KLF12: variants seen among roughly 807,000 people sequenced by gnomAD.
KLF12 encodes the protein Krueppel-like factor 12.
Under a neutral mutation model 37.8 loss-of-function variants are expected in KLF12, and 9 were observed. That is an observed-to-expected ratio of 0.24 (90% CI 0.14 to 0.42). The LOEUF (loss-of-function observed/expected upper bound fraction) is 0.42. Among genes scored for constraint, KLF12 ranks in the 10% least tolerant of loss-of-function variants. KLF12 has a pLI of 1.00. For missense variants in KLF12, 411 were observed against 516.0 expected (o/e 0.80, Z 1.97); for synonymous variants, 208 against 202.1 (o/e 1.03, Z -0.25).
At chr13:74,180,316 T>C in the KLF12 span, among the ~76,000 whole-genome samples, 16 of 152,266 alleles carry the variant, frequency 1.1e-4, no homozygotes, top group African/African-American at 3.9e-4. Context: ...TCAATTGAAA[T>C]ACTTGCCATT....
the KLF12 span, among the ~76,000 whole-genome samples, chr13:74,299,414 T>C: frequency 6.6e-6 from 1 of 152,200 alleles, no homozygotes; most frequent in Non-Finnish European, 1.5e-5. Context: ...ATTTGCTTAC[T>C]TCATAAATTG....
chr13:73,703,835 T>C (rs1815217265), intron 7 of KLF12, among the ~76,000 whole-genome samples: 2 of 152,296 alleles, frequency 1.3e-5, no homozygotes, highest in Non-Finnish European at 1.5e-5. Context: ...CCAGGATATC[T>C]GGTCAGAACT....
chr13:74,085,376 A>C (rs144538625), intron 1 of KLF12, among the ~76,000 whole-genome samples: 10 of 152,300 alleles, frequency 6.6e-5, no homozygotes, highest in Admixed American at 6.5e-4. Context: ...AGCCTAACAC[A>C]AGAAAGACGT....
chr13:73,959,604 T>C (rs1890956955), intron 2 of KLF12, among the ~76,000 whole-genome samples: 1 of 151,696 alleles, frequency 6.6e-6, no homozygotes. Context: ...TTATATATAA[T>C]TAGATGTGTT....
Position 73,986,029 on chromosome 13 carries a change from G to A in KLF12, c.33+8961C>T, listed in dbSNP as rs1484579059. Among the ~76,000 whole-genome samples the A allele has an allele frequency of 2.6e-5, 4 of 152,282 alleles. No homozygotes were observed. In the East Asian group the frequency reaches 7.7e-4, roughly 29 times the overall value. On this transcript the variant is annotated intron_variant, in intron 2 of 7. Transcript: ENST00000377669. Reference sequence around the variant, plus strand: ...TAGTAAGTGTATGGGTTGTAAGTAAGTGCATGCTATCACCTCAAGAGCTTT... The same window carrying A: ...TAGTAAGTGTATGGGTTGTAAGTAAATGCATGCTATCACCTCAAGAGCTTT...
chr13:74,157,343 C>G, the KLF12 span, among the ~76,000 whole-genome samples: 208 of 152,270 alleles, frequency 1.4e-3, no homozygotes, highest in South Asian at 5.2e-3. Flanking sequence ...TTTACCTGAT[C>G]CTATAGCCAA....
chr13:73,749,944 C>T (rs150708817), intron 6 of KLF12, among the ~76,000 whole-genome samples: 347 of 152,234 alleles, frequency 2.3e-3, no homozygotes, highest in African/African-American at 8.0e-3. Flanking sequence ...TTCACATAAT[C>T]CCTGTGGAAA....
At chr13:73,744,665 T>A (rs1467412164) in intron 6 of KLF12, among the ~76,000 whole-genome samples, 1 of 151,940 alleles carries the variant, frequency 6.6e-6, no homozygotes, top group Non-Finnish European at 1.5e-5. Context: ...CAGGAGCAGG[T>A]AGGTAGACAC....
intron 2 of KLF12, among the ~76,000 whole-genome samples, chr13:73,963,927 C>A (rs1376722485): frequency 6.6e-6 from 1 of 152,100 alleles, no homozygotes; most frequent in African/African-American, 2.4e-5. Context: ...AAGATTGTGC[C>A]CCTCAATAAC....
the KLF12 span, among the ~76,000 whole-genome samples, chr13:74,176,850 G>A: frequency 6.6e-6 from 1 of 152,004 alleles, no homozygotes; most frequent in South Asian, 2.1e-4. Flanking sequence ...CAATCTGTCT[G>A]CTTTGTGAGC....
chr13:74,040,565 C>A (rs1419331406), intron 1 of KLF12, among the ~76,000 whole-genome samples: 1 of 149,590 alleles, frequency 6.7e-6, no homozygotes, highest in African/African-American at 2.5e-5. Flanking sequence ...CCTACAAATT[C>A]TCACCTTTTC....
At chr13:74,084,029 A>C (rs2138777411) in intron 1 of KLF12, among the ~76,000 whole-genome samples, 1 of 152,288 alleles carries the variant, frequency 6.6e-6, no homozygotes, top group Non-Finnish European at 1.5e-5. Context: ...TAGAATCATA[A>C]AGTGTAACAG....
chr13:74,225,679 G>A, the KLF12 span, among the ~76,000 whole-genome samples: 3 of 152,088 alleles, frequency 2.0e-5, no homozygotes, highest in Non-Finnish European at 4.4e-5. Context: ...GAGCTCTGAC[G>A]TACAAACAGA....
chr13:74,080,526 GA>G (rs59366154), intron 1 of KLF12, among the ~76,000 whole-genome samples: 2 of 146,138 alleles, frequency 1.4e-5, no homozygotes, highest in Non-Finnish European at 3.0e-5. Context: ...TGGTCCAAAA[GA>G]AAAAAAAAAG....
chr13:74,089,803 GAAAAAA>G (rs35244601), intron 1 of KLF12, among the ~76,000 whole-genome samples: 2 of 117,782 alleles, frequency 1.7e-5, no homozygotes, highest in Non-Finnish European at 3.4e-5. Context: ...CATGCAGGGG[GAAAAAA>G]AAAAAAAAAA....
the KLF12 span, among the ~76,000 whole-genome samples, chr13:74,216,787 G>A: frequency 6.6e-6 from 1 of 152,244 alleles, no homozygotes; most frequent in Admixed American, 6.5e-5. Context: ...ATCCTCTGTA[G>A]CAAGAAGTCT....
chr13:74,290,488 C>T, the KLF12 span, among the ~76,000 whole-genome samples: 1 of 152,156 alleles, frequency 6.6e-6, no homozygotes, highest in Non-Finnish European at 1.5e-5. Context: ...CACCCCTCTG[C>T]GTGAAAAGGT....
chr13:73,718,461 T>C (rs1466010465), intron 6 of KLF12, among the ~76,000 whole-genome samples: 1 of 152,208 alleles, frequency 6.6e-6, no homozygotes, highest in East Asian at 1.9e-4. Context: ...TTCCTCATTC[T>C]ACAGTGAAAC....
intron 6 of KLF12, among the ~76,000 whole-genome samples, chr13:73,733,639 G>A (rs1023680128): frequency 3.9e-5 from 6 of 152,130 alleles, no homozygotes; most frequent in Non-Finnish European, 8.8e-5. Context: ...GTTATGACCA[G>A]TATCTGTTTG....
Sources: gnomAD v4.1 joint callset for allele counts (sites outside exome capture counted in the v4.1 genomes callset) on GRCh38, gnomAD v4.1.1 for gene constraint, MANE v1.5 for transcripts, NCBI Gene and HGNC (gene_info 2026-07-23, HGNC 2026-07-21) for gene names.